Variants in PDZD2 observed in about 807,000 individuals in gnomAD.
PDZD2 encodes the protein PDZ domain-containing protein 2.
Under a neutral mutation model 220.7 loss-of-function variants are expected in PDZD2, and 90 were observed. The observed-to-expected ratio is 0.41, with a 90% CI of 0.34 to 0.49. PDZD2 has a LOEUF of 0.49. Ranked by LOEUF, PDZD2 falls within the 20% of genes least tolerant of loss-of-function variation. The pLI is 0.28. For missense variants in PDZD2, 3,174 were observed against 3,608.5 expected, an observed-to-expected ratio of 0.88 and a Z score of 3.08; for synonymous variants, 1,375 against 1,450.5, an observed-to-expected ratio of 0.95 and a Z score of 1.18.
In PDZD2 at chr5:31,875,788, A is replaced by G. The variant is rs1739251856; in HGVS notation, c.476+76064A>G. On this transcript the variant is annotated intron_variant, in intron 2 of 24. Transcript: ENST00000438447. ...GTCTTGCCTCACATATATAGTCCCT[A>G]AAAATATATAGGTCAGTGTTACGGT... 2.0e-5 allele frequency among the ~76,000 whole-genome samples: 3 copies of G among 151,640 alleles called. No homozygotes were observed. The South Asian group carries it at 6.2e-4, about 32-fold the overall frequency.
Position 32,071,387 on chromosome 5 carries a change from C to G in PDZD2, c.2537C>G (p.Thr846Ser), listed in dbSNP as rs1245096527. The G allele has an allele frequency of 1.2e-6, 2 of 1,606,830 alleles. No individual in the cohort carries two copies. The highest frequency in any genetic ancestry group is 2.2e-5 in the East Asian group (1 of 44,858). ...KEANSSPGLG[T>S]PLKSPSLAKK... ...TGGTGAATTTTCCCTCCAACAGGTA[C>G]CCCCTTGAAGAGTCCCTCTCTTGCA... The change falls in exon 16 of 25, where the codon ACC (threonine) becomes AGC (serine). Residue 846 changes from threonine to serine, a missense_variant. Physicochemically the swap from Thr to Ser is moderately conservative, Grantham distance 58. Coordinates refer to ENST00000438447, the MANE Select transcript of PDZD2 (RefSeq NM_178140.4).
intron 1 of PDZD2, among the ~76,000 whole-genome samples, chr5:31,685,413 A>G (rs1746814499): frequency 6.6e-6 from 1 of 152,206 alleles, no homozygotes; most frequent in African/African-American, 2.4e-5. Flanking sequence ...GAACATACAC[A>G]AAAGTTGTGA....
At chr5:31,706,038 C>T (rs139581232) in intron 1 of PDZD2, among the ~76,000 whole-genome samples, 23 of 152,180 alleles carry the variant, frequency 1.5e-4, no homozygotes, top group African/African-American at 3.4e-4. Flanking sequence ...GGCCACAGAG[C>T]GAGACTCCAT....
chr5:31,981,673 G>A (rs546417908), intron 2 of PDZD2, among the ~76,000 whole-genome samples: 4 of 152,342 alleles, frequency 2.6e-5, no homozygotes, highest in African/African-American at 9.6e-5. Context: ...GATCTGATTT[G>A]TGAAGGATTT....
chr5:32,089,882 C>T lies in PDZD2; in HGVS notation c.6434C>T (p.Ser2145Phe), dbSNP rs907828426. 6.2e-7 allele frequency: 1 copy of T among 1,613,032 alleles called. No individual in the cohort carries two copies. Among genetic ancestry groups the T allele is most frequent in the Non-Finnish European group, 8.5e-7 (1 of 1,179,402 alleles). Residue 2145 changes from serine to phenylalanine, a missense_variant, in exon 20 of 25, where the codon TCC becomes TTC. Physicochemically the swap from Ser to Phe is radical, Grantham distance 155 (BLOSUM62 -2). Transcript: ENST00000438447. ...QVAESSTSHP[S>F]SLPSHASQAE... Reference sequence around the variant, plus strand: ...GCAGAATCATCCACAAGTCATCCATCCTCACTCCCATCTCATGCCTCCCAG... The same window carrying T: ...GCAGAATCATCCACAAGTCATCCATTCTCACTCCCATCTCATGCCTCCCAG...
At chr5:31,915,947 A>C (rs1743640088) in intron 2 of PDZD2, among the ~76,000 whole-genome samples, 1 of 152,162 alleles carries the variant, frequency 6.6e-6, no homozygotes, top group African/African-American at 2.4e-5. Context: ...AGGGACTCCA[A>C]GTGTCAGCTT....
chr5:31,870,685 C>G (rs1738708766), intron 2 of PDZD2, among the ~76,000 whole-genome samples: 1 of 151,954 alleles, frequency 6.6e-6, no homozygotes, highest in African/African-American at 2.4e-5. Flanking sequence ...GTCAGGAGTT[C>G]GAGACCAGCC....
chr5:32,065,285 C>T lies in PDZD2; in HGVS notation c.2451+4151C>T, dbSNP rs990272694. ...CTGCACTCCAGCCTGGGCCACACAG[C>T]GAGACTTTGTCTCAAAAAACAAACA... On this transcript the variant is annotated intron_variant, in intron 14 of 24. Transcript: ENST00000438447. Among the ~76,000 whole-genome samples, 4 of 152,208 alleles carry T rather than the reference C, an allele frequency of 2.6e-5. No homozygotes were observed. In the East Asian group the frequency reaches 5.8e-4, roughly 22 times the overall value.
At chr5:31,893,424 C>A (rs770695737) in intron 2 of PDZD2, among the ~76,000 whole-genome samples, 3 of 152,124 alleles carry the variant, frequency 2.0e-5, no homozygotes, top group Non-Finnish European at 2.9e-5. Flanking sequence ...CAAAAATTAG[C>A]CACACGTGGT....
intron 15 of PDZD2, among the ~76,000 whole-genome samples, chr5:32,070,510 A>G (rs1740637980): frequency 6.6e-6 from 1 of 152,238 alleles, no homozygotes; most frequent in African/African-American, 2.4e-5. Context: ...CCTCATGCCC[A>G]AAGTCCCTTC....
At chr5:32,012,479 GTTCTAGCAA>G (rs1214631277) in intron 6 of PDZD2, among the ~76,000 whole-genome samples, 1 of 152,072 alleles carries the variant, frequency 6.6e-6, no homozygotes, top group East Asian at 1.9e-4. Flanking sequence ...TGTCTCCCGG[GTTCTAGCAA>G]TTCTCCTGCC....
chr5:31,775,817 C>T (rs1752613374), intron 1 of PDZD2, among the ~76,000 whole-genome samples: 2 of 151,908 alleles, frequency 1.3e-5, no homozygotes, highest in African/African-American at 4.8e-5. Flanking sequence ...CAAAGGTCTC[C>T]CACACTGGGC....
intron 2 of PDZD2, among the ~76,000 whole-genome samples, chr5:31,815,040 T>A (rs1755349809): frequency 6.6e-6 from 1 of 150,874 alleles, no homozygotes; most frequent in South Asian, 2.1e-4. Flanking sequence ...ATCAGGAGTT[T>A]GAGACCAGCC....
chr5:31,962,386 G>A (rs1211418300), intron 2 of PDZD2, among the ~76,000 whole-genome samples: 1 of 152,104 alleles, frequency 6.6e-6, no homozygotes, highest in East Asian at 1.9e-4. Context: ...GGACAGGAAG[G>A]GAAAATAAAT....
chr5:31,868,870 C>T lies in PDZD2; in HGVS notation c.476+69146C>T, dbSNP rs190195695. Among the ~76,000 whole-genome samples, 382 of 152,306 alleles carry T rather than the reference C, an allele frequency of 2.5e-3. 2 individuals are homozygous for T. The highest frequency in any genetic ancestry group is 4.0e-3 in the Non-Finnish European group (273 of 68,042). On this transcript the variant is annotated intron_variant, in intron 2 of 24. Transcript: ENST00000438447. ...CACTGGAACCACCGCCTCCCGGGTT[C>T]AAGCAGATTTTCCTGCCTCAGCCTC...
At chr5:31,849,942 A>ACG (rs1757867927) in intron 2 of PDZD2, among the ~76,000 whole-genome samples, 2 of 35,768 alleles carry the variant, frequency 5.6e-5, no homozygotes, top group African/African-American at 2.0e-4. Flanking sequence ...ACACATATAT[A>ACG]TATATACATA....
chr5:32,094,408 G>A (rs1389411527), intron 21 of PDZD2, among the ~76,000 whole-genome samples: 1 of 152,176 alleles, frequency 6.6e-6, no homozygotes, highest in Non-Finnish European at 1.5e-5. Flanking sequence ...TTTAGTGGTA[G>A]TATACCTGGG....
intron 17 of PDZD2, 42 bp downstream of exon 17, chr5:32,072,359 G>T (rs779112955): frequency 6.7e-7 from 1 of 1,497,324 alleles, no homozygotes; most frequent in East Asian, 2.3e-5. Flanking sequence ...CTGCATTCCA[G>T]TCAGCAGTGA....
chr5:31,798,873 C>T lies in PDZD2; in HGVS notation c.-360-16C>T, dbSNP rs1053309090. 9 of 221,588 alleles carry T rather than the reference C, an allele frequency of 4.1e-5. No homozygotes were observed. In the East Asian group the frequency reaches 7.6e-4, roughly 19 times the overall value. 13.7% of individuals were successfully genotyped at this position (221,588 alleles called of 1,614,324 possible). On this transcript the variant is annotated splice_polypyrimidine_tract_variant and intron_variant, in intron 1 of 24. Coordinates refer to ENST00000438447, the MANE Select transcript of PDZD2 (RefSeq NM_178140.4). ...TTGTAACTGGAGCTTTTTGTGTTTT[C>T]CTCTTCCTCTCCCAGGTGTGAATGA...
Sources: allele counts gnomAD v4.1 joint callset (sites outside exome capture counted in the v4.1 genomes callset), GRCh38; gene constraint gnomAD v4.1.1; transcripts MANE v1.5; gene names NCBI Gene and HGNC (gene_info 2026-07-23, HGNC 2026-07-21).